Variants in ST3GAL1 observed in about 807,000 individuals in gnomAD.
ST3GAL1 encodes the protein ST3 beta-galactoside alpha-2,3-sialyltransferase 1.
In ST3GAL1, 16 loss-of-function variants were observed where a neutral mutation model predicts 34.1. That is an observed-to-expected ratio of 0.47 (90% CI 0.32 to 0.71). The LOEUF is 0.71. Ranked by LOEUF, ST3GAL1 falls within the 30% of genes least tolerant of loss-of-function variation. ST3GAL1 has a pLI of 0.04. For missense variants in ST3GAL1, 353 were observed against 447.4 expected (o/e 0.79, Z 1.90); for synonymous variants, 191 against 184.7 (o/e 1.03, Z -0.28).
intron 2 of ST3GAL1, among the ~76,000 whole-genome samples, chr8:133,539,089 G>A (rs1302313571): frequency 6.6e-6 from 1 of 152,202 alleles, no homozygotes; most frequent in African/African-American, 2.4e-5. Flanking sequence ...CACTCCCCCA[G>A]CCCCAGGACT....
intron 3 of ST3GAL1, among the ~76,000 whole-genome samples, chr8:133,496,340 A>C (rs918721620): frequency 2.0e-5 from 3 of 152,102 alleles, no homozygotes; most frequent in Non-Finnish European, 4.4e-5. Context: ...GGTGAAGGAG[A>C]GGTGAGAATG....
intron 3 of ST3GAL1, among the ~76,000 whole-genome samples, chr8:133,493,711 TG>T (rs1347081957): frequency 6.6e-6 from 1 of 152,074 alleles, no homozygotes; most frequent in Non-Finnish European, 1.5e-5. Flanking sequence ...CCAGGCATGG[TG>T]GCATGTGCCT....
At chr8:133,517,763 G>A (rs1228181681) in intron 2 of ST3GAL1, among the ~76,000 whole-genome samples, 1 of 152,236 alleles carries the variant, frequency 6.6e-6, no homozygotes, top group Non-Finnish European at 1.5e-5. Flanking sequence ...CTAAATCAGA[G>A]GTATGAAAAC....
intron 3 of ST3GAL1, among the ~76,000 whole-genome samples, chr8:133,480,625 G>A (rs1252415584): frequency 2.6e-5 from 4 of 152,258 alleles, no homozygotes; most frequent in African/African-American, 7.2e-5. Flanking sequence ...TAACCCTTAC[G>A]CTTGTCTCCC....
intron 3 of ST3GAL1, among the ~76,000 whole-genome samples, chr8:133,488,954 GGA>G (rs1489258903): frequency 1.3e-5 from 2 of 152,210 alleles, no homozygotes; most frequent in Non-Finnish European, 2.9e-5. Flanking sequence ...AAGGCCAGAG[GGA>G]GAGAGGGAAC....
intron 2 of ST3GAL1, among the ~76,000 whole-genome samples, chr8:133,513,823 C>T (rs1212775427): frequency 6.6e-6 from 1 of 151,790 alleles, no homozygotes; most frequent in Non-Finnish European, 1.5e-5. Flanking sequence ...TGCTTGAACC[C>T]AGGAGGTGGA....
chr8:133,541,813 G>A (rs959472186), intron 2 of ST3GAL1, among the ~76,000 whole-genome samples: 14 of 152,266 alleles, frequency 9.2e-5, no homozygotes, highest in African/African-American at 3.1e-4. Flanking sequence ...TTGGGCCACC[G>A]AGTTGATGTC....
chr8:133,485,851 G>C (rs1816571853), intron 3 of ST3GAL1, among the ~76,000 whole-genome samples: 2 of 152,110 alleles, frequency 1.3e-5, no homozygotes, highest in South Asian at 4.1e-4. Flanking sequence ...GGGGCTGTTT[G>C]CGGTGACCCC....
intron 7 of ST3GAL1, 33 bp downstream of exon 7, chr8:133,464,745 G>C: frequency 6.3e-7 from 1 of 1,595,334 alleles, no homozygotes; most frequent in South Asian, 1.1e-5. Context: ...GCAAGGGGCA[G>C]AGCAGCGAGG....
intron 2 of ST3GAL1, among the ~76,000 whole-genome samples, chr8:133,534,325 A>G (rs1350673771): frequency 6.6e-6 from 1 of 151,656 alleles, no homozygotes; most frequent in Non-Finnish European, 1.5e-5. Context: ...CCACACAGGC[A>G]TTGGACATAT....
chr8:133,461,642 A>ACC lies in ST3GAL1; in HGVS notation c.849+232_849+233insGG, dbSNP rs1815509784. Among the ~76,000 whole-genome samples the ACC allele has an allele frequency of 6.6e-6, 1 of 152,200 alleles. No individual in the cohort carries two copies. Among genetic ancestry groups the ACC allele is most frequent in the Non-Finnish European group, 1.5e-5 (1 of 68,028 alleles). On this transcript the variant is annotated intron_variant, in intron 9 of 9. Transcript: ENST00000522652. This position sits in a 1 kb window ranked among gnomAD's most constrained non-coding sequence, Gnocchi z 4.7. ...AGCTTCCACCACCACGGTCCTGGGC[A>ACC]CTTACACAGAATGTGCCAGAACTAT...
rs1815243271 is a variant in ST3GAL1 at position 133,454,863 on chromosome 8, C to G, written c.*4901G>C. 6.6e-6 allele frequency: 1 copy of G among 152,186 alleles called. No homozygotes were observed. The allele number at this position is 152,186 out of a possible 1,614,324, so 9.4% of individuals were successfully genotyped here. ...AACACACCCAAACAATAAAATAGCT[C>G]TTTGTTTATTCACTTTGATTTGGAT... On this transcript the variant is annotated 3_prime_UTR_variant, in exon 10 of 10. Transcript: ENST00000522652.
intron 3 of ST3GAL1, among the ~76,000 whole-genome samples, chr8:133,477,836 T>C (rs1401125964): frequency 2.0e-5 from 3 of 152,038 alleles, no homozygotes; most frequent in Non-Finnish European, 4.4e-5. Context: ...TCTCAAGGTG[T>C]AGATTGTCAA....
chr8:133,561,806 A>T (rs1014899612), intron 1 of ST3GAL1, among the ~76,000 whole-genome samples: 1 of 152,148 alleles, frequency 6.6e-6, no homozygotes, highest in African/African-American at 2.4e-5. Flanking sequence ...ATGTTGATCA[A>T]GTCAACTCAC....
intron 5 of ST3GAL1, among the ~76,000 whole-genome samples, chr8:133,475,234 C>T (rs982229697): frequency 7.2e-5 from 11 of 152,226 alleles, no homozygotes; most frequent in South Asian, 2.1e-4. Flanking sequence ...AGCCCAGGAA[C>T]GCCCAGCACT....
At chr8:133,520,826 C>T (rs1372893083) in intron 2 of ST3GAL1, among the ~76,000 whole-genome samples, 1 of 146,104 alleles carries the variant, frequency 6.8e-6, no homozygotes, top group Non-Finnish European at 1.5e-5. Flanking sequence ...GGCTAAAGTG[C>T]TATGGTGCGA....
At chr8:133,492,106 C>T (rs1028715678) in intron 3 of ST3GAL1, among the ~76,000 whole-genome samples, 5 of 152,054 alleles carry the variant, frequency 3.3e-5, no homozygotes, top group African/African-American at 9.7e-5. Flanking sequence ...ATGGACGATA[C>T]GAGGGGACAC....
chr8:133,493,596 C>T (rs1156370565), intron 3 of ST3GAL1, among the ~76,000 whole-genome samples: 2 of 152,308 alleles, frequency 1.3e-5, no homozygotes, highest in East Asian at 3.9e-4. Flanking sequence ...CCTGTAATCC[C>T]AACATTTTGG....
chr8:133,497,274 A>G (rs1816980095), intron 3 of ST3GAL1, among the ~76,000 whole-genome samples: 2 of 152,200 alleles, frequency 1.3e-5, no homozygotes, highest in Non-Finnish European at 2.9e-5. Context: ...AGTGGACTGC[A>G]GTGTGCTGTG....
Sources: allele counts gnomAD v4.1 joint callset (sites outside exome capture counted in the v4.1 genomes callset), GRCh38; gene constraint gnomAD v4.1.1; non-coding constraint Gnocchi (gnomAD v3.1); transcripts MANE v1.5; gene names NCBI Gene and HGNC (gene_info 2026-07-23, HGNC 2026-07-21).